Variants in MYO9A observed in about 807,000 individuals in gnomAD.
MYO9A encodes the protein unconventional myosin-IXa.
A neutral mutation model predicts 293.3 loss-of-function variants in MYO9A; 103 were observed. The ratio of observed to expected loss-of-function variants is 0.35; its 90% CI spans 0.30 to 0.41. The LOEUF (loss-of-function observed/expected upper bound fraction) is 0.41, where lower values mean the gene tolerates loss of function less well. Among genes scored for constraint, MYO9A ranks in the 10% least tolerant of loss-of-function variants. MYO9A has a pLI of 1.00. For synonymous variants in MYO9A, 1,001 were observed against 1,035.7 expected, an observed-to-expected ratio of 0.97 and a Z score of 0.64; for missense variants, 2,685 against 3,033.0, an observed-to-expected ratio of 0.89 and a Z score of 2.69.
intron 1 of MYO9A, among the ~76,000 whole-genome samples, chr15:72,095,421 T>C (rs572064177): frequency 1.2e-4 from 11 of 92,622 alleles, no homozygotes; most frequent in African/African-American, 2.8e-4. Flanking sequence ...GAGAAAGTTA[T>C]AGAAGAAAAG....
chr15:72,103,318 AAGCAGC>A (rs150918805), intron 1 of MYO9A, among the ~76,000 whole-genome samples: 1 of 143,678 alleles, frequency 7.0e-6, no homozygotes, highest in Non-Finnish European at 1.5e-5. Flanking sequence ...AAGCAGCAGC[AAGCAGC>A]AGCAGCAGAA....
intron 4 of MYO9A, among the ~76,000 whole-genome samples, chr15:72,026,293 A>G (rs539949656): frequency 3.1e-4 from 39 of 124,796 alleles, no homozygotes; most frequent in South Asian, 7.5e-4. Context: ...AAAAAAAAAA[A>G]AAAGAAAGAA....
intron 24 of MYO9A, 23 bp from the exon 25 acceptor site, chr15:71,899,055 G>T (rs1168023086): frequency 8.6e-6 from 13 of 1,515,706 alleles, no homozygotes; most frequent in Non-Finnish European, 1.2e-5. Context: ...AGACAAAATG[G>T]GTTATAGAAA....
At chr15:72,060,667 G>T (rs965865761) in intron 1 of MYO9A, among the ~76,000 whole-genome samples, 5 of 152,190 alleles carry the variant, frequency 3.3e-5, no homozygotes, top group Middle Eastern at 3.2e-3. Context: ...GAGAGGAATT[G>T]TCCATCCCAG....
intron 15 of MYO9A, among the ~76,000 whole-genome samples, chr15:71,941,292 C>T (rs976042133): frequency 3.3e-5 from 5 of 152,064 alleles, no homozygotes; most frequent in South Asian, 2.1e-4. Context: ...AAAATTAGCC[C>T]GGCATGGTGG....
At chr15:72,115,856 TCA>T (rs2080952746) in intron 1 of MYO9A, among the ~76,000 whole-genome samples, 1 of 151,988 alleles carries the variant, frequency 6.6e-6, no homozygotes, top group African/African-American at 2.4e-5. Flanking sequence ...ACATATAACA[TCA>T]GACACATTTA....
Position 71,904,981 on chromosome 15 carries a change from G to T in MYO9A, c.2711C>A (p.Thr904Lys). 1 of 1,604,784 alleles carries T rather than the reference G, an allele frequency of 6.2e-7. No homozygotes were observed. Among genetic ancestry groups the T allele is most frequent in the Non-Finnish European group, 8.5e-7 (1 of 1,174,042 alleles). Reference protein sequence around the residue: ...FQASLSKLMETLGQAEPYFVK... With the variant: ...FQASLSKLMEKLGQAEPYFVK... Reference sequence around the variant, plus strand: ...AAAATATGGTTCTGCTTGACCAAGTGTTTCCATTAGCTTGCTTAATGATGC... The same window carrying T: ...AAAATATGGTTCTGCTTGACCAAGTTTTTCCATTAGCTTGCTTAATGATGC... The change falls in exon 20 of 42, where the codon ACA becomes AAA. Residue 904 changes from threonine to lysine, a missense_variant. Around this residue, in one of 10 missense-constraint regions of MYO9A, gnomAD observed 1,434 missense variants for 1,497.7 expected, o/e 0.96. Coordinates refer to ENST00000356056, the MANE Select transcript of MYO9A (RefSeq NM_006901.4).
At position 72,094,703 on chromosome 15, in the gene MYO9A, G is replaced by A. The variant is rs2080019499; in HGVS notation, c.-72+22977C>T. Among the ~76,000 whole-genome samples the A allele has an allele frequency of 2.2e-5, 2 of 90,978 alleles. 1 individual carries two copies. The highest frequency in any genetic ancestry group is 9.2e-4 in the South Asian group (2 of 2,176). 59.7% of individuals were successfully genotyped at this position (90,978 alleles called of 152,430 possible). ...TTATTTTTTAAGTTTTTGTACAGAT[G>A]AGGTCTTGTTATGTTGCTGAGTCTA... On this transcript the variant is annotated intron_variant, in intron 1 of 41. Coordinates refer to ENST00000356056, the MANE Select transcript of MYO9A (RefSeq NM_006901.4).
intron 11 of MYO9A, among the ~76,000 whole-genome samples, chr15:71,986,626 G>C (rs1300517412): frequency 6.6e-6 from 1 of 152,158 alleles, no homozygotes; most frequent in Non-Finnish European, 1.5e-5. Context: ...TAACATGTAT[G>C]TATGTGTCTT....
At chr15:71,971,030 G>A (rs1189118744) in intron 12 of MYO9A, among the ~76,000 whole-genome samples, 3 of 151,846 alleles carry the variant, frequency 2.0e-5, no homozygotes, top group Non-Finnish European at 4.4e-5. Context: ...GCATGGGGGC[G>A]GGCGCCTGTA....
At chr15:71,942,211 C>A (rs1395838153) in intron 15 of MYO9A, among the ~76,000 whole-genome samples, 1 of 151,912 alleles carries the variant, frequency 6.6e-6, no homozygotes, top group Non-Finnish European at 1.5e-5. Flanking sequence ...ACACAAAATA[C>A]ATACTATGTA....
At chr15:71,910,152 G>GTATA (rs1181512579) in intron 19 of MYO9A, among the ~76,000 whole-genome samples, 1 of 50,008 alleles carries the variant, frequency 2.0e-5, no homozygotes, top group Non-Finnish European at 4.3e-5. Flanking sequence ...ACGTGTGTGT[G>GTATA]TATATATATA....
At chr15:72,001,365 G>A (rs766888110) in intron 8 of MYO9A, among the ~76,000 whole-genome samples, 22 of 151,888 alleles carry the variant, frequency 1.4e-4, no homozygotes, top group Admixed American at 7.9e-4. Context: ...GAACAGCCTG[G>A]CCAACATGGG....
intron 31 of MYO9A, among the ~76,000 whole-genome samples, chr15:71,876,425 ATTTTT>A (rs397854202): frequency 3.3e-5 from 2 of 61,066 alleles, no homozygotes; most frequent in African/African-American, 1.7e-4. Context: ...CCTGGCTGGT[ATTTTT>A]TTTTTTTTTT....
At chr15:71,831,796 A>C (rs1161203861) in intron 39 of MYO9A, among the ~76,000 whole-genome samples, 1 of 152,246 alleles carries the variant, frequency 6.6e-6, no homozygotes, top group Non-Finnish European at 1.5e-5. Context: ...AATGTAAATG[A>C]AAACTAGTAA....
intron 18 of MYO9A, among the ~76,000 whole-genome samples, chr15:71,928,057 T>TATATATATATA (rs1491302118): frequency 3.1e-3 from 14 of 4,490 alleles, no homozygotes; most frequent in East Asian, 5.3e-3. Flanking sequence ...TATATATATA[T>TATATATATATA]TTTTTTTTTT....
At chr15:72,116,694 A>G (rs141455088) in intron 1 of MYO9A, among the ~76,000 whole-genome samples, 44 of 152,344 alleles carry the variant, frequency 2.9e-4, no homozygotes, top group African/African-American at 1.1e-3. Context: ...ATCTGCAGCA[A>G]TCGACAAGGA....
chr15:71,999,296 C>T (rs1337085697), intron 9 of MYO9A, among the ~76,000 whole-genome samples: 3 of 151,694 alleles, frequency 2.0e-5, no homozygotes, highest in Non-Finnish European at 4.4e-5. Flanking sequence ...ATAATAGTAG[C>T]AACAAGTATC....
rs28417617 is a variant in MYO9A at position 72,008,476 on chromosome 15, A to T, written c.1254-524T>A. On this transcript the variant is annotated intron_variant, in intron 7 of 41. Coordinates refer to ENST00000356056, the MANE Select transcript of MYO9A (RefSeq NM_006901.4). ...GTGTGTGTGTGTGTGTGTGTGTGTGAATGGGGTAAATGGGTGTGTGTGTGT... is the reference window on the plus strand; with the variant it reads ...GTGTGTGTGTGTGTGTGTGTGTGTGTATGGGGTAAATGGGTGTGTGTGTGT... 8.5e-3 allele frequency among the ~76,000 whole-genome samples: 785 copies of T among 92,336 alleles called. 10 individuals are homozygous for T. Among genetic ancestry groups the T allele is most frequent in the African/African-American group, 0.031 (734 of 23,362 alleles). The allele number at this position is 92,336 out of a possible 152,430, so 60.6% of individuals were successfully genotyped here. A position where few individuals can be genotyped will look rare whatever the true frequency, so the allele number is the denominator to read the frequency against.
Sources: gnomAD v4.1 joint callset for allele counts (sites outside exome capture counted in the v4.1 genomes callset) on GRCh38, gnomAD v4.1.1 for gene constraint, gnomAD v4.1.1 regional missense constraint, MANE v1.5 for transcripts, NCBI Gene and HGNC (gene_info 2026-07-23, HGNC 2026-07-21) for gene names.